CDH4: variants seen among roughly 807,000 people sequenced by gnomAD.
CDH4 encodes cadherin-4.
CDH4 carries 33 observed loss-of-function variants against 86.0 expected under a neutral mutation model. That is an observed-to-expected ratio of 0.38 (90% confidence interval 0.29 to 0.51). CDH4 has a LOEUF of 0.51. Among genes scored for constraint, CDH4 ranks in the 20% least tolerant of loss-of-function variants. CDH4 has a pLI of 0.86. For missense variants in CDH4, 1,114 were observed against 1,307.4 expected, an observed-to-expected ratio of 0.85 and a Z score of 2.28; for synonymous variants, 555 against 549.4, an observed-to-expected ratio of 1.01 and a Z score of -0.14.
rs1984573584 is a variant in CDH4, at chr20:61,887,008, C to T, written c.1051-7902C>T. On this transcript the variant is annotated intron_variant, in intron 7 of 15. Coordinates refer to ENST00000614565, the MANE Select transcript of CDH4 (RefSeq NM_001794.5). Reference sequence around the variant, plus strand: ...TGTCGAAACCTCCAGCCAAGCCAGCCCAGGCCCGCTACATGCAGATCAGCC... The same window carrying T: ...TGTCGAAACCTCCAGCCAAGCCAGCTCAGGCCCGCTACATGCAGATCAGCC... 2.6e-5 allele frequency among the ~76,000 whole-genome samples: 4 copies of T among 152,304 alleles called. No individual in the cohort carries two copies. In the South Asian group the frequency reaches 8.3e-4, roughly 32 times the overall value.
chr20:61,661,111 C>T (rs1427631656), intron 2 of CDH4, among the ~76,000 whole-genome samples: 3 of 134,458 alleles, frequency 2.2e-5, no homozygotes, highest in Non-Finnish European at 4.8e-5. Flanking sequence ...CAGTGCCAGG[C>T]TCATGCCAGG....
Position 61,681,711 on chromosome 20 carries a change from G to C in CDH4, c.170-61852G>C, listed in dbSNP as rs2087515376. Among the ~76,000 whole-genome samples, 1 of 152,182 alleles carries C rather than the reference G, an allele frequency of 6.6e-6. No homozygotes were observed. The highest frequency in any genetic ancestry group is 2.4e-5 in the African/African-American group (1 of 41,452). Reference sequence around the variant, plus strand: ...GCTTTCTGGGCATCGGGAAAGTCCGGGCTCAGTGCATGTGGAGCTGCCACC... The same window carrying C: ...GCTTTCTGGGCATCGGGAAAGTCCGCGCTCAGTGCATGTGGAGCTGCCACC... On this transcript the variant is annotated intron_variant, in intron 2 of 15. Coordinates refer to ENST00000614565, the MANE Select transcript of CDH4 (RefSeq NM_001794.5). This position sits in a 1 kb window ranked among gnomAD's most constrained non-coding sequence, Gnocchi z 4.5.
At chr20:61,473,665 G>C (rs2085518397) in intron 2 of CDH4, among the ~76,000 whole-genome samples, 1 of 152,128 alleles carries the variant, frequency 6.6e-6, no homozygotes, top group Non-Finnish European at 1.5e-5. Context: ...GGAGAATAAA[G>C]TCCACCATGT....
At chr20:61,273,434 G>T (rs1198255030) in intron 2 of CDH4, among the ~76,000 whole-genome samples, 1 of 95,382 alleles carries the variant, frequency 1.0e-5, no homozygotes, top group African/African-American at 4.1e-5. Flanking sequence ...CAGTTTGGGG[G>T]AGGACCATGT....
intron 2 of CDH4, among the ~76,000 whole-genome samples, chr20:61,641,169 C>T (rs969394681): frequency 2.6e-5 from 4 of 152,206 alleles, no homozygotes; most frequent in African/African-American, 9.6e-5. Context: ...AGGGAGAAGG[C>T]AGCCTGGCAC....
intron 2 of CDH4, among the ~76,000 whole-genome samples, chr20:61,645,988 G>A (rs2145808229): frequency 6.6e-6 from 1 of 152,326 alleles, no homozygotes; most frequent in East Asian, 1.9e-4. Context: ...CAGTGCACAT[G>A]TCTGAGACTC....
At chr20:61,317,442 T>C (rs975421571) in intron 2 of CDH4, among the ~76,000 whole-genome samples, 2 of 152,200 alleles carry the variant, frequency 1.3e-5, no homozygotes, top group Admixed American at 6.5e-5. Context: ...TTGAAGTGTT[T>C]ATTAGCAGCC....
intron 2 of CDH4, among the ~76,000 whole-genome samples, chr20:61,386,678 G>C (rs971924316): frequency 1.3e-5 from 2 of 152,206 alleles, no homozygotes; most frequent in African/African-American, 4.8e-5. Context: ...TGGGGGTGAC[G>C]GTGTCTTCTC....
At chr20:61,674,474 C>G (rs567924766) in intron 2 of CDH4, among the ~76,000 whole-genome samples, 68 of 152,292 alleles carry the variant, frequency 4.5e-4, no homozygotes, top group Non-Finnish European at 8.2e-4. Context: ...TCACAGGGAG[C>G]AGGAGAAGCC....
chr20:61,720,503 G>A (rs7509490), intron 2 of CDH4, among the ~76,000 whole-genome samples: 2,699 of 147,980 alleles, frequency 0.018, 75 homozygotes, highest in African/African-American at 0.06. Flanking sequence ...GTGCAGGGAT[G>A]CAGAGTGGAG....
chr20:61,734,234 T>C (rs1342513882), intron 2 of CDH4, among the ~76,000 whole-genome samples: 1 of 152,228 alleles, frequency 6.6e-6, no homozygotes, highest in Non-Finnish European at 1.5e-5. Flanking sequence ...AAGAAAATTA[T>C]TTCCTTCATC....
rs1317076872 is a variant in CDH4 at position 61,510,798 on chromosome 20, G to T, written c.170-232765G>T. Among the ~76,000 whole-genome samples the T allele has an allele frequency of 4.0e-5, 6 of 151,876 alleles. No individual in the cohort carries two copies. The highest frequency in any genetic ancestry group is 1.2e-4 in the African/African-American group (5 of 41,322). On this transcript the variant is annotated intron_variant, in intron 2 of 15. Transcript: ENST00000614565. The surrounding 1 kb of genome is among the most constrained non-coding windows in gnomAD (Gnocchi z 4.2). Reference sequence around the variant, plus strand: ...ACTGGGTAATTTATAAAAGAAAGAGGTTTAATTGGCTCAAGGTTCTGCAGA... The same window carrying T: ...ACTGGGTAATTTATAAAAGAAAGAGTTTTAATTGGCTCAAGGTTCTGCAGA...
At chr20:61,430,106 A>G (rs998431967) in intron 2 of CDH4, among the ~76,000 whole-genome samples, 21 of 152,226 alleles carry the variant, frequency 1.4e-4, no homozygotes, top group Admixed American at 1.4e-3. Flanking sequence ...GGATGCCCCT[A>G]TACTTATCTG....
intron 4 of CDH4, among the ~76,000 whole-genome samples, chr20:61,782,507 A>T (rs951459347): frequency 6.6e-6 from 1 of 152,166 alleles, no homozygotes; most frequent in Admixed American, 6.5e-5. Context: ...AATATAAAAG[A>T]TTATCATTTT....
chr20:61,818,606 AG>A (rs1980852829), intron 4 of CDH4, among the ~76,000 whole-genome samples: 1 of 151,342 alleles, frequency 6.6e-6, no homozygotes, highest in Admixed American at 6.6e-5. Flanking sequence ...TGAGTCCCAG[AG>A]TTCCAGGCTG....
intron 2 of CDH4, among the ~76,000 whole-genome samples, chr20:61,732,869 G>A (rs1006200101): frequency 1.3e-5 from 2 of 152,232 alleles, no homozygotes; most frequent in African/African-American, 4.8e-5. Context: ...TGATGTCTCA[G>A]GTAGTCTTGT....
At chr20:61,512,669 A>G (rs2257194) in intron 2 of CDH4, among the ~76,000 whole-genome samples, 86,784 of 152,050 alleles carry the variant, frequency 0.57, 25,617 homozygotes, top group African/African-American at 0.71. Flanking sequence ...ATGCCAGGGC[A>G]GCGTTTCCAG....
intron 7 of CDH4, among the ~76,000 whole-genome samples, chr20:61,882,957 G>GC (rs1984353277): frequency 6.6e-6 from 1 of 152,128 alleles, no homozygotes; most frequent in African/African-American, 2.4e-5. Context: ...CCCAGCCTCT[G>GC]CGCATCTCCT....
intron 2 of CDH4, among the ~76,000 whole-genome samples, chr20:61,652,864 G>A (rs1294242122): frequency 2.0e-5 from 3 of 149,142 alleles, no homozygotes; most frequent in South Asian, 2.1e-4. Flanking sequence ...TTTTTGGGGG[G>A]GGGATAAAAA....
Sources: allele counts gnomAD v4.1 joint callset (sites outside exome capture counted in the v4.1 genomes callset), GRCh38; gene constraint gnomAD v4.1.1; non-coding constraint Gnocchi (gnomAD v3.1); transcripts MANE v1.5; gene names NCBI Gene and HGNC (gene_info 2026-07-23, HGNC 2026-07-21).